ATP11C: variants seen among roughly 807,000 people sequenced by gnomAD.
ATP11C encodes the protein phospholipid-transporting ATPase IG.
A neutral mutation model predicts 97.4 loss-of-function variants in ATP11C; 36 were observed. That is an observed-to-expected ratio of 0.37 (90% CI 0.28 to 0.49). The LOEUF (loss-of-function observed/expected upper bound fraction) is 0.49. Ranked by LOEUF, ATP11C falls within the 20% of genes least tolerant of loss-of-function variation. ATP11C has a pLI of 0.98. For missense variants in ATP11C, 730 were observed against 824.6 expected, an observed-to-expected ratio of 0.89 and a Z score of 1.40; for synonymous variants, 275 against 290.9, an observed-to-expected ratio of 0.95 and a Z score of 0.56.
chrX:139,759,351 G>C lies in ATP11C; in HGVS notation c.2641-1484C>G, dbSNP rs554707944. On this transcript the variant is annotated intron_variant, in intron 22 of 29. Coordinates refer to ENST00000682941, the MANE Select transcript of ATP11C (RefSeq NM_001353812.2). ...CGATTGAATAAACAACTTAGAACTC[G>C]AACTATGAATAAAGATGAATAGGAC... Among the ~76,000 whole-genome samples the C allele has an allele frequency of 2.9e-4, 33 of 111,868 alleles. 1 individual carries two copies. The South Asian group carries it at 0.012, about 42-fold the overall frequency.
At position 139,731,697 on chromosome X, in the gene ATP11C, G is replaced by A; in HGVS notation, c.3347C>T (p.Pro1116Leu). The A allele has an allele frequency of 8.4e-7, 1 of 1,196,136 alleles. No homozygotes were observed. Residue 1116 changes from proline (P) to leucine (L), a missense_variant, in exon 29 of 30, where the codon CCT becomes CTT. Pro to Leu is a moderately conservative substitution (Grantham distance 98). Coordinates refer to ENST00000682941, the MANE Select transcript of ATP11C (RefSeq NM_001353812.2). Reference sequence around the variant, plus strand: ...GTCTGAGAATGTTCGTAAAAGAAGAGGTCTGACTGAAGGTCTGGCGGATAA... The same window carrying A: ...GTCTGAGAATGTTCGTAAAAGAAGAAGTCTGACTGAAGGTCTGGCGGATAA... ...DSLSARPSVR[P>L]LLLRTFSDES...
intron 1 of ATP11C, among the ~76,000 whole-genome samples, chrX:139,899,919 T>C (rs986603329): frequency 2.7e-5 from 3 of 111,200 alleles, no homozygotes; most frequent in Admixed American, 1.9e-4. Flanking sequence ...TTTGTCAAAA[T>C]AGTGTCTTTG....
intron 2 of ATP11C, among the ~76,000 whole-genome samples, chrX:139,825,695 A>G (rs1039535499): frequency 8.9e-6 from 1 of 112,413 alleles, no homozygotes; most frequent in African/African-American, 3.2e-5. Context: ...ATATTTGAAA[A>G]CCAAAATGTC....
chrX:139,877,675 T>A (rs774135930), intron 1 of ATP11C, among the ~76,000 whole-genome samples: 1 of 112,248 alleles, frequency 8.9e-6, no homozygotes, highest in South Asian at 3.7e-4. Flanking sequence ...TTTGCAAAAG[T>A]CCACTGTTGG....
intron 1 of ATP11C, among the ~76,000 whole-genome samples, chrX:139,893,280 G>A (rs753436641): frequency 7.2e-5 from 8 of 111,046 alleles, no homozygotes; most frequent in Admixed American, 4.8e-4. Context: ...GGCTGGTCTC[G>A]AACTCCTGAC....
At chrX:139,935,627 T>A (rs187104938), upstream of ATP11C, among the ~76,000 whole-genome samples, 75 of 111,647 alleles carry the variant, frequency 6.7e-4, no homozygotes, top group Non-Finnish European at 1.1e-3. Context: ...ATAATTCTGC[T>A]ATTTATTCTC....
intron 29 of ATP11C, among the ~76,000 whole-genome samples, chrX:139,730,720 CTTTAAGCTGTGTAGAGTTGT>C (rs758406367): frequency 1.8e-5 from 2 of 110,910 alleles, no homozygotes; most frequent in African/African-American, 6.5e-5. Flanking sequence ...GATGGCCCTG[CTTTAAGCTGTGTAGAGTTGT>C]TTCCAAGCTG....
chrX:139,828,036 C>T (rs1213996158), intron 1 of ATP11C, among the ~76,000 whole-genome samples: 9 of 111,825 alleles, frequency 8.0e-5, no homozygotes, highest in Non-Finnish European at 1.5e-4. Context: ...TGTAGGGAAT[C>T]ATGCAAAAAG....
At chrX:139,849,911 CT>C (rs1156643077) in intron 1 of ATP11C, among the ~76,000 whole-genome samples, 1 of 112,251 alleles carries the variant, frequency 8.9e-6, no homozygotes, top group East Asian at 2.8e-4. Flanking sequence ...CTCTTGCTCA[CT>C]TGCTCTTGCC....
At chrX:139,826,875 CT>C (rs780920263) in intron 1 of ATP11C, 52 bp from the exon 2 acceptor site, 38 of 1,142,339 alleles carry the variant, frequency 3.3e-5, no homozygotes, top group Non-Finnish European at 3.5e-6. Flanking sequence ...TTTGTCCACA[CT>C]TCTACCAAGC....
chrX:139,749,080 T>C (rs2081753775), intron 24 of ATP11C, among the ~76,000 whole-genome samples: 1 of 112,067 alleles, frequency 8.9e-6, no homozygotes. Context: ...AATAGGAATG[T>C]CAAGGAATTG....
At chrX:139,839,570 G>A (rs2083797418) in intron 1 of ATP11C, among the ~76,000 whole-genome samples, 2 of 110,799 alleles carry the variant, frequency 1.8e-5, no homozygotes, top group African/African-American at 6.6e-5. Flanking sequence ...TATAGGGAGA[G>A]GGGAGACCGG....
chrX:139,812,547 G>GTT lies in ATP11C; in HGVS notation c.426+2329_426+2330dup, dbSNP rs368917710. The stretch of plus-strand genomic sequence containing the variant: ...CCTTTGTTTGTTGTTACTGTTGTTG[G>GTT]TTTTTTTTTTTTTTTGAGACAGGGT... On this transcript the variant is annotated intron_variant, in intron 5 of 29. Coordinates refer to ENST00000682941, the MANE Select transcript of ATP11C (RefSeq NM_001353812.2). 7.7e-3 allele frequency among the ~76,000 whole-genome samples: 763 copies of GTT among 98,777 alleles called. 11 individuals carry two copies. Among genetic ancestry groups the GTT allele is most frequent in the African/African-American group, 0.026 (707 of 27,223 alleles). The allele number at this position is 98,777 out of a possible 115,157, so 85.8% of individuals were successfully genotyped here. A position where few individuals can be genotyped will look rare whatever the true frequency, so the allele number is the denominator to read the frequency against.
chrX:139,877,968 A>T (rs2084502858), intron 1 of ATP11C, among the ~76,000 whole-genome samples: 1 of 111,616 alleles, frequency 9.0e-6, no homozygotes, highest in South Asian at 3.8e-4. Flanking sequence ...GGTTGCAGTG[A>T]GCCGAGATCA....
At chrX:139,763,465 G>T (rs1250405745) in intron 20 of ATP11C, 47 bp from the exon 21 acceptor site, 4 of 975,638 alleles carry the variant, frequency 4.1e-6, no homozygotes, top group African/African-American at 1.9e-5. Flanking sequence ...AAAGAAGAAT[G>T]TAAGACTGGG....
At chrX:139,822,422 TG>T (rs1349768541) in intron 2 of ATP11C, among the ~76,000 whole-genome samples, 2 of 86,975 alleles carry the variant, frequency 2.3e-5, no homozygotes, top group Non-Finnish European at 3.9e-5. Context: ...TTTGTTTGTT[TG>T]TTTTTTTTGA....
At chrX:139,899,810 CAGAA>C (rs1258923468) in intron 1 of ATP11C, among the ~76,000 whole-genome samples, 1 of 111,433 alleles carries the variant, frequency 9.0e-6, no homozygotes, top group Non-Finnish European at 1.9e-5. Context: ...AACCACATAT[CAGAA>C]AGAGAATCAA....
chrX:139,825,637 C>G (rs1453236110), intron 2 of ATP11C, among the ~76,000 whole-genome samples: 1 of 112,130 alleles, frequency 8.9e-6, no homozygotes, highest in Non-Finnish European at 1.9e-5. Flanking sequence ...AATCTCCCAG[C>G]AAAACATGAT....
Position 139,932,097 on chromosome X carries a change from C to A in ATP11C, c.-55G>T. ...GGCTCTACCGGGCTGTCTGGGAAGG[C>A]GCCGTCCACAAAACACACTGCGGCG... On this transcript the variant is annotated 5_prime_UTR_variant, in exon 1 of 30. Transcript: ENST00000682941. The A allele has an allele frequency of 9.1e-7, 1 of 1,101,360 alleles. No homozygotes were observed. Among genetic ancestry groups the A allele is most frequent in the East Asian group, 3.6e-5 (1 of 27,762 alleles). 90.8% of individuals were successfully genotyped at this position (1,101,360 alleles called of 1,213,427 possible). A position where few individuals can be genotyped will look rare whatever the true frequency, so the allele number is the denominator to read the frequency against.
Sources: allele counts gnomAD v4.1 joint callset (sites outside exome capture counted in the v4.1 genomes callset), GRCh38; gene constraint gnomAD v4.1.1; transcripts MANE v1.5; gene names NCBI Gene and HGNC (gene_info 2026-07-23, HGNC 2026-07-21).